Variants in CPNE3 observed in about 807,000 individuals in gnomAD.
CPNE3 encodes the protein copine-3.
A neutral mutation model predicts 63.9 loss-of-function variants in CPNE3; 68 were observed. The observed-to-expected ratio is 1.06, with a 90% CI of 0.87 to 1.30. The LOEUF is 1.30. Ranked by LOEUF, CPNE3 falls within the 50% of genes most tolerant of loss-of-function variation. CPNE3 has a pLI of 0.00. For missense variants in CPNE3, 665 were observed against 578.1 expected, an observed-to-expected ratio of 1.15 and a Z score of -1.54; for synonymous variants, 219 against 197.5, an observed-to-expected ratio of 1.11 and a Z score of -0.91.
intron 2 of CPNE3, chr8:86,521,505 T>A (rs1441576688): frequency 6.6e-6 from 1 of 152,216 alleles, no homozygotes; most frequent in South Asian, 2.1e-4. Flanking sequence ...GCTGTTATAC[T>A]AAGTAACTAT....
rs775396018 is a variant in CPNE3 at position 86,531,185 on chromosome 8, C to A, written c.343C>A (p.Leu115Met). 1 of 1,319,092 alleles carries A rather than the reference C, an allele frequency of 7.6e-7. No individual in the cohort carries two copies. Among genetic ancestry groups the A allele is most frequent in the Admixed American group, 1.7e-5 (1 of 59,628 alleles). The allele number at this position is 1,319,092 out of a possible 1,614,324, so 81.7% of individuals were successfully genotyped here. Residue 115 changes from leucine (L) to methionine (M), a missense_variant, in exon 5 of 17, where the codon CTG (leucine) becomes ATG (methionine). Physicochemically the swap from Leu to Met is conservative, Grantham distance 15. Coordinates refer to ENST00000517490, the MANE Select transcript of CPNE3 (RefSeq NM_003909.5). Reference sequence around the variant, plus strand: ...TTCCAGCAAGAAGCTAACTCGACCACTGGTGATGAAAACTGGCAGACCTGC... The same window carrying A: ...TTCCAGCAAGAAGCTAACTCGACCAATGGTGATGAAAACTGGCAGACCTGC... The part of the protein sequence containing the change: ...IVSSKKLTRP[L>M]VMKTGRPAGK...
intron 7 of CPNE3, among the ~76,000 whole-genome samples, chr8:86,539,956 C>CGCCCA (rs1820896208): frequency 6.6e-6 from 1 of 152,178 alleles, no homozygotes; most frequent in East Asian, 1.9e-4. Flanking sequence ...TGAGCCACCG[C>CGCCCA]GCCCAGCCAT....
intron 16 of CPNE3, among the ~76,000 whole-genome samples, chr8:86,556,938 C>A (rs1049836423): frequency 6.6e-6 from 1 of 152,078 alleles, no homozygotes. Context: ...TTGGGATTGG[C>A]TTTTTTTCCA....
In CPNE3 at chr8:86,548,305, G is replaced by A; in HGVS notation, c.884G>A (p.Gly295Glu). The part of the protein sequence containing the change: ...MGGCQLNFTV[G>E]VDFTGSNGDP... ...GCTGCAATTGTTATTTGGCAGGTGG[G>A]AGTGGACTTCACTGGCTCCAATGGT... Residue 295 changes from glycine (G) to glutamate (E), a missense_variant, in exon 12 of 17, where the codon GGA (glycine) becomes GAA (glutamate). Physicochemically the swap from Gly to Glu is moderately conservative, Grantham distance 98. Coordinates refer to ENST00000517490, the MANE Select transcript of CPNE3 (RefSeq NM_003909.5). 6.2e-7 allele frequency: 1 copy of A among 1,613,974 alleles called. No homozygotes were observed. The highest frequency in any genetic ancestry group is 1.1e-5 in the South Asian group (1 of 91,060).
intron 2 of CPNE3, among the ~76,000 whole-genome samples, chr8:86,526,035 T>A (rs1820534260): frequency 6.6e-6 from 1 of 152,144 alleles, no homozygotes; most frequent in African/African-American, 2.4e-5. Flanking sequence ...GCCCAGGAAG[T>A]TGAAGTTACT....
At chr8:86,515,115 G>A (rs998438755) in intron 1 of CPNE3, 3 of 152,244 alleles carry the variant, frequency 2.0e-5, no homozygotes, top group Non-Finnish European at 4.4e-5. Flanking sequence ...GTGAGAAGTA[G>A]TCTAGCAGCT....
chr8:86,517,955 C>T (rs765449251), intron 2 of CPNE3, among the ~76,000 whole-genome samples: 5 of 152,092 alleles, frequency 3.3e-5, no homozygotes, highest in Non-Finnish European at 7.4e-5. Flanking sequence ...ACAGCTGAAA[C>T]GATGTGTTAA....
chr8:86,546,191 A>G (rs1490125284), intron 9 of CPNE3, among the ~76,000 whole-genome samples: 2 of 151,214 alleles, frequency 1.3e-5, no homozygotes, highest in African/African-American at 2.4e-5. Context: ...TTTGCAGCAT[A>G]TTTTCGTTCT....
intron 2 of CPNE3, among the ~76,000 whole-genome samples, chr8:86,523,471 A>G (rs545513487): frequency 1.3e-5 from 2 of 152,352 alleles, no homozygotes; most frequent in African/African-American, 4.8e-5. Flanking sequence ...CGGAGTGATG[A>G]GCCACAAATA....
chr8:86,558,403 A>G lies in CPNE3; in HGVS notation c.1607A>G (p.Lys536Arg), dbSNP rs747401434. The G allele has an allele frequency of 2.3e-6, 2 of 872,858 alleles. No homozygotes were observed. Among genetic ancestry groups the G allele is most frequent in the Admixed American group, 1.7e-5 (1 of 59,170 alleles). The allele number at this position is 872,858 out of a possible 1,614,324, so 54.1% of individuals were successfully genotyped here. ...PPKNPATKQQ[K>R]Q ...AAGAACCCAGCCACGAAACAACAGA[A>G]GCAGTGACCACTTCAACAGAATTCT... is the stretch of plus-strand genomic sequence containing the variant. The change falls in exon 17 of 17, where the codon AAG (lysine) becomes AGG (arginine). Residue 536 changes from lysine (K) to arginine (R), a missense_variant. Physicochemically the swap from Lys to Arg is conservative, Grantham distance 26. Transcript: ENST00000517490.
At chr8:86,526,810 C>T (rs1380774406) in intron 2 of CPNE3, among the ~76,000 whole-genome samples, 2 of 152,170 alleles carry the variant, frequency 1.3e-5, no homozygotes, top group East Asian at 3.9e-4. Context: ...CCGTGCCCGG[C>T]CAGCTTTGTT....
chr8:86,538,471 A>G (rs1421573795), intron 7 of CPNE3, among the ~76,000 whole-genome samples: 1 of 152,198 alleles, frequency 6.6e-6, no homozygotes, highest in Admixed American at 6.6e-5. Flanking sequence ...ACATAGCTAA[A>G]TGTAACATTA....
At chr8:86,527,127 A>G (rs969212230) in intron 2 of CPNE3, among the ~76,000 whole-genome samples, 4 of 152,300 alleles carry the variant, frequency 2.6e-5, no homozygotes, top group Middle Eastern at 3.4e-3. Context: ...CTGTGGTCCT[A>G]GAACTTCAGC....
At chr8:86,535,234 A>T (rs1292029987) in intron 6 of CPNE3, among the ~76,000 whole-genome samples, 1 of 152,158 alleles carries the variant, frequency 6.6e-6, no homozygotes, top group Non-Finnish European at 1.5e-5. Context: ...TTTAGAGACC[A>T]CAGTCCACTG....
intron 2 of CPNE3, among the ~76,000 whole-genome samples, chr8:86,518,756 CT>C (rs1039315158): frequency 2.8e-5 from 4 of 142,278 alleles, no homozygotes; most frequent in Non-Finnish European, 6.4e-5. Flanking sequence ...GATAGCCCTT[CT>C]TTTTTAAAAA....
chr8:86,557,712 T>C (rs529488948), intron 16 of CPNE3, among the ~76,000 whole-genome samples: 35 of 152,138 alleles, frequency 2.3e-4, no homozygotes, highest in African/African-American at 7.2e-4. Flanking sequence ...TCTATCCAGA[T>C]GACAAAATTG....
chr8:86,547,766 T>G lies in CPNE3; in HGVS notation c.875T>G (p.Phe292Cys). 7.7e-7 allele frequency: 1 copy of G among 1,299,902 alleles called. No homozygotes were observed. The highest frequency in any genetic ancestry group is 2.3e-5 in the East Asian group (1 of 43,418). The allele number at this position is 1,299,902 out of a possible 1,614,324, so 80.5% of individuals were successfully genotyped here. A position where few individuals can be genotyped will look rare whatever the true frequency, so the allele number is the denominator to read the frequency against. Residue 292 changes from phenylalanine to cysteine, a missense_variant, in exon 11 of 17, where the codon TTT becomes TGT. Physicochemically the swap from Phe to Cys is radical, Grantham distance 205. Coordinates refer to ENST00000517490, the MANE Select transcript of CPNE3 (RefSeq NM_003909.5). ...ATAATGGGAGGATGTCAGCTGAATT[T>G]TACTGTAAGTAACACACTGAATTTT... ...DYIMGGCQLN[F>C]TVGVDFTGSN... is the part of the protein sequence containing the mutation.
chr8:86,547,886 C>A, intron 11 of CPNE3, 116 bp downstream of exon 11: 1 of 636,980 alleles, frequency 1.6e-6, no homozygotes. Flanking sequence ...TAGCATAGTC[C>A]TCTTAGAGTC....
chr8:86,532,594 G>A lies in CPNE3; in HGVS notation c.459+14G>A, dbSNP rs1820707129. 1 of 1,601,614 alleles carries A rather than the reference G, an allele frequency of 6.2e-7. No homozygotes were observed. Among genetic ancestry groups the A allele is most frequent in the Non-Finnish European group, 8.5e-7 (1 of 1,174,710 alleles). On this transcript the variant is annotated intron_variant, in intron 6 of 16. Transcript: ENST00000517490. ...CTGGATAATAAGGTGGGTAGACTAT[G>A]CAGATTTCAAAAAGGTTGTCATGTT...
Sources: gnomAD v4.1 joint callset for allele counts (sites outside exome capture counted in the v4.1 genomes callset) on GRCh38, gnomAD v4.1.1 for gene constraint, MANE v1.5 for transcripts, NCBI Gene and HGNC (gene_info 2026-07-23, HGNC 2026-07-21) for gene names.